ZBTB40: variants seen among roughly 807,000 people sequenced by gnomAD.
The protein encoded by ZBTB40 is zinc finger and BTB domain containing 40, also known as zinc finger and BTB domain-containing protein 40.
ZBTB40 carries 60 observed loss-of-function variants against 117.5 expected under a neutral mutation model. The ratio of observed to expected loss-of-function variants is 0.51; its 90% CI spans 0.41 to 0.63. ZBTB40 has a LOEUF of 0.63. ZBTB40 is among the 30% of genes least tolerant of loss of function. ZBTB40 has a pLI of 0.00. For synonymous variants in ZBTB40, 525 were observed against 577.1 expected (o/e 0.91, Z 1.29); for missense variants, 1,287 against 1,498.5 (o/e 0.86, Z 2.33).
intron 1 of ZBTB40, among the ~76,000 whole-genome samples, chr1:22,453,544 AATT>A (rs1211345442): frequency 6.6e-6 from 1 of 152,296 alleles, no homozygotes; most frequent in African/African-American, 2.4e-5. Context: ...ATCATAATAA[AATT>A]ATTAGTTGCT....
Position 22,524,413 on chromosome 1 carries a change from A to T in ZBTB40, c.3494A>T (p.Glu1165Val), listed in dbSNP as rs745619771. 2 of 1,614,140 alleles carry T rather than the reference A, an allele frequency of 1.2e-6. No homozygotes were observed. Among genetic ancestry groups the T allele is most frequent in the Non-Finnish European group, 1.7e-6 (2 of 1,180,046 alleles). ...GAGCACCCAAAGGTGATGAGCACGG[A>T]AACCCAGGCCGCAGCCTCACAGATG... ...ESEHPKVMSTETQAAASQMAQ... is the reference protein window; with the variant it reads ...ESEHPKVMSTVTQAAASQMAQ... The change falls in exon 17 of 18, where the codon GAA becomes GTA. Residue 1165 changes from glutamate (E) to valine (V), a missense_variant. Physicochemically the swap from Glu to Val is moderately radical, Grantham distance 121 (BLOSUM62 -2). Coordinates refer to ENST00000375647, the MANE Select transcript of ZBTB40 (RefSeq NM_014870.4).
intron 5 of ZBTB40, among the ~76,000 whole-genome samples, chr1:22,502,711 A>C (rs563510731): frequency 6.6e-6 from 1 of 151,994 alleles, no homozygotes; most frequent in South Asian, 2.1e-4. Context: ...AGTTGGACAG[A>C]TGGATGGATG....
At chr1:22,474,954 A>AC (rs1404024801) in intron 1 of ZBTB40, among the ~76,000 whole-genome samples, 4 of 151,680 alleles carry the variant, frequency 2.6e-5, no homozygotes, top group African/African-American at 9.7e-5. Flanking sequence ...AAAAAAAAAA[A>AC]AAACAGGTAA....
intron 1 of ZBTB40, among the ~76,000 whole-genome samples, chr1:22,434,319 A>G (rs1640644358): frequency 6.6e-6 from 1 of 152,098 alleles, no homozygotes. Context: ...TGTTCTTGTG[A>G]ATTTCTAGAA....
chr1:22,490,137 A>G lies in ZBTB40; in HGVS notation c.189A>G (p.Ala63=). 6.2e-7 allele frequency: 1 copy of G among 1,614,130 alleles called. No individual in the cohort carries two copies. Among genetic ancestry groups the G allele is most frequent in the East Asian group, 2.2e-5 (1 of 44,882 alleles). ...LDNTDTISID[A]SVVSPEEFAL... is the part of the protein sequence containing the mutation. ...ACACAGATACCATCTCCATCGATGC[A>G]TCTGTGGTGAGCCCCGAGGAGTTTG... is the stretch of plus-strand genomic sequence containing the variant. The change falls in exon 2 of 18, where the codon GCA becomes GCG. Residue 63 remains alanine, a synonymous_variant. Transcript: ENST00000375647.
chr1:22,509,869 A>G (rs944677082), intron 9 of ZBTB40, among the ~76,000 whole-genome samples: 1 of 152,190 alleles, frequency 6.6e-6, no homozygotes, highest in Non-Finnish European at 1.5e-5. Flanking sequence ...TATTCCATTT[A>G]TCTAAACCTG....
At chr1:22,460,884 TC>T (rs2124388723) in intron 1 of ZBTB40, among the ~76,000 whole-genome samples, 1 of 152,254 alleles carries the variant, frequency 6.6e-6, no homozygotes, top group South Asian at 2.1e-4. Flanking sequence ...CCCAGATACT[TC>T]CTTCTCTACT....
At position 22,508,095 on chromosome 1, in the gene ZBTB40, G is replaced by C; in HGVS notation, c.1455G>C (p.Lys485Asn). 3 of 1,614,106 alleles carry C rather than the reference G, an allele frequency of 1.9e-6. No individual in the cohort carries two copies. The highest frequency in any genetic ancestry group is 1.1e-5 in the South Asian group (1 of 91,074). Residue 485 changes from lysine to asparagine, a missense_variant, in exon 7 of 18, where the codon AAG (lysine) becomes AAC (asparagine). Coordinates refer to ENST00000375647, the MANE Select transcript of ZBTB40 (RefSeq NM_014870.4). The part of the protein sequence containing the change: ...EIFTDNQILL[K>N]MISHMTSLAP... ...TCACAGACAACCAGATTTTATTAAA[G>C]ATGATCTCACACATGACAAGTTTAG...
chr1:22,523,026 C>G (rs1639582274), intron 16 of ZBTB40, among the ~76,000 whole-genome samples: 3 of 148,684 alleles, frequency 2.0e-5, no homozygotes, highest in African/African-American at 7.4e-5. Context: ...CGGCTCACTG[C>G]AAGCTCCGTC....
intron 13 of ZBTB40, chr1:22,517,787 A>G (rs1331495399): frequency 3.5e-6 from 1 of 286,862 alleles, no homozygotes; most frequent in African/African-American, 2.5e-5. Context: ...AGAGCACTGG[A>G]ATATTTCCAT....
intron 16 of ZBTB40, 119 bp downstream of exon 16, chr1:22,522,582 A>G: frequency 2.1e-6 from 2 of 973,064 alleles, no homozygotes; most frequent in Non-Finnish European, 3.3e-6. Flanking sequence ...CGGTTTCTTC[A>G]TCTATAAAAT....
intron 1 of ZBTB40, among the ~76,000 whole-genome samples, chr1:22,429,588 C>T (rs1199585410): frequency 6.6e-6 from 1 of 152,154 alleles, no homozygotes; most frequent in Non-Finnish European, 1.5e-5. Context: ...AACTGTGATG[C>T]CACTATTATA....
chr1:22,521,184 C>T lies in ZBTB40; in HGVS notation c.3049-312C>T, dbSNP rs111673861. Among the ~76,000 whole-genome samples, 228 of 152,340 alleles carry T rather than the reference C, an allele frequency of 1.5e-3. 1 individual carries two copies. Among genetic ancestry groups the T allele is most frequent in the African/African-American group, 5.3e-3 (219 of 41,578 alleles). ...CTGATGTTATGATTAGTCATTTAACCCCTCGGTGTCTCCGCTTCCAGCTCG... is the reference window on the plus strand; with the variant it reads ...CTGATGTTATGATTAGTCATTTAACTCCTCGGTGTCTCCGCTTCCAGCTCG... On this transcript the variant is annotated intron_variant, in intron 14 of 17. Coordinates refer to ENST00000375647, the MANE Select transcript of ZBTB40 (RefSeq NM_014870.4).
At chr1:22,460,795 G>T (rs2124388529) in intron 1 of ZBTB40, among the ~76,000 whole-genome samples, 1 of 152,274 alleles carries the variant, frequency 6.6e-6, no homozygotes, top group Non-Finnish European at 1.5e-5. Context: ...AAGGAAAGGA[G>T]AGAGTCAAGA....
chr1:22,447,917 C>T (rs1399141105), upstream of ZBTB40, among the ~76,000 whole-genome samples: 1 of 152,208 alleles, frequency 6.6e-6, no homozygotes, highest in Non-Finnish European at 1.5e-5. Flanking sequence ...AAAGTGAATG[C>T]CAAGGCCCAG....
intron 1 of ZBTB40, among the ~76,000 whole-genome samples, chr1:22,474,283 CAAT>C (rs751318889): frequency 1.8e-4 from 28 of 152,302 alleles, no homozygotes; most frequent in Non-Finnish European, 2.5e-4. Context: ...GCATTTGAAA[CAAT>C]GATGATACAT....
intron 5 of ZBTB40, 89 bp from the exon 6 acceptor site, chr1:22,505,960 G>A: frequency 1.5e-6 from 2 of 1,378,676 alleles, no homozygotes; most frequent in Non-Finnish European, 2.1e-6. Flanking sequence ...GGCATCTTGT[G>A]ATGCTATCTT....
At position 22,522,353 on chromosome 1, in the gene ZBTB40, C is replaced by T. The variant is rs773706635; in HGVS notation, c.3212-24C>T. The T allele has an allele frequency of 6.2e-6, 10 of 1,612,182 alleles. No homozygotes were observed. The East Asian group carries it at 1.1e-4, about 18-fold the overall frequency. On this transcript the variant is annotated intron_variant, in intron 15 of 17. Transcript: ENST00000375647. ...GCCAACCATTTGTTCTTTCCCAGCA[C>T]GTCTTTCTTTATGCACTTCACAGAT...
intron 5 of ZBTB40, among the ~76,000 whole-genome samples, chr1:22,502,781 GT>G (rs1265027282): frequency 6.6e-6 from 1 of 152,092 alleles, no homozygotes; most frequent in Non-Finnish European, 1.5e-5. Flanking sequence ...CTCTGACTCA[GT>G]TTTTACTGTA....
Sources: gnomAD v4.1 joint callset for allele counts (sites outside exome capture counted in the v4.1 genomes callset) on GRCh38, gnomAD v4.1.1 for gene constraint, MANE v1.5 for transcripts, NCBI Gene and HGNC (gene_info 2026-07-23, HGNC 2026-07-21) for gene names.